NCAPD3: variants seen among roughly 807,000 people sequenced by gnomAD.
NCAPD3 encodes the protein condensin-2 complex subunit D3.
In NCAPD3, 105 loss-of-function variants were observed where a neutral mutation model predicts 182.9. The observed-to-expected ratio is 0.57, with a 90% CI of 0.49 to 0.68. The LOEUF (loss-of-function observed/expected upper bound fraction) is 0.68. Ranked by LOEUF, NCAPD3 falls within the 30% of genes least tolerant of loss-of-function variation. NCAPD3 has a pLI of 0.00. For synonymous variants in NCAPD3, 815 were observed against 679.9 expected (o/e 1.20, Z -3.09); for missense variants, 1,944 against 1,837.0 (o/e 1.06, Z -1.07).
chr11:134,183,955 C>T (rs924645497), intron 19 of NCAPD3, among the ~76,000 whole-genome samples: 5 of 152,058 alleles, frequency 3.3e-5, no homozygotes, highest in Non-Finnish European at 5.9e-5. Flanking sequence ...TATTAATAAC[C>T]CCAGCTCTAC....
Position 134,169,030 on chromosome 11 carries a change from G to C in NCAPD3, c.3126C>G (p.His1042Gln). 2 of 1,613,936 alleles carry C rather than the reference G, an allele frequency of 1.2e-6. No individual in the cohort carries two copies. Among genetic ancestry groups the C allele is most frequent in the South Asian group, 2.2e-5 (2 of 91,014 alleles). ...TGACAGGGTTCCTCTTCAGTAACAG[G>C]TGAGCCAGGCAAAACTCCCCGAAGC... ...IASFGEFCLA[H>Q]LLLKRNPVMF... The change falls in exon 25 of 35, where the codon CAC becomes CAG. Residue 1042 changes from histidine (H) to glutamine (Q), a missense_variant. Physicochemically the swap from His to Gln is conservative, Grantham distance 24 (BLOSUM62 0). Around this residue, in one of 3 missense-constraint regions of NCAPD3, gnomAD observed 1,803 missense variants for 1,674.6 expected, o/e 1.08. Transcript: ENST00000534548.
intron 4 of NCAPD3, 59 bp downstream of exon 4, chr11:134,210,211 C>T: frequency 6.9e-7 from 1 of 1,459,802 alleles, no homozygotes; most frequent in Non-Finnish European, 9.4e-7. Flanking sequence ...TAAAGTCAAT[C>T]CTTAAATAAA....
Position 134,184,642 on chromosome 11 carries a change from C to G in NCAPD3, c.2446G>C (p.Glu816Gln), listed in dbSNP as rs778624593. The G allele has an allele frequency of 2.5e-6, 4 of 1,608,084 alleles. No individual in the cohort carries two copies. Among genetic ancestry groups the G allele is most frequent in the Non-Finnish European group, 2.5e-6 (3 of 1,177,272 alleles). Residue 816 changes from glutamate to glutamine, a missense_variant, in exon 19 of 35, where the codon GAG becomes CAG. Transcript: ENST00000534548. ...CAGGGAAAGTCTGGCCATACCTGCT[C>G]CTCTGCTGGTGTCTCTGCAGATGCT... The part of the protein sequence containing the change: ...CRASAETPAE[E>Q]QELLTQVCGD...
At chr11:134,190,728 C>G (rs1944506935) in intron 16 of NCAPD3, among the ~76,000 whole-genome samples, 1 of 152,236 alleles carries the variant, frequency 6.6e-6, no homozygotes. Context: ...TCTCCTGCCT[C>G]AGCCTCCCAG....
intron 13 of NCAPD3, among the ~76,000 whole-genome samples, chr11:134,200,759 A>G (rs1944730600): frequency 6.6e-6 from 1 of 152,228 alleles, no homozygotes; most frequent in Admixed American, 6.5e-5. Flanking sequence ...ACACATCTAT[A>G]CAAAAACTCA....
At chr11:134,195,716 A>T (rs1053050252) in intron 13 of NCAPD3, among the ~76,000 whole-genome samples, 7 of 151,376 alleles carry the variant, frequency 4.6e-5, no homozygotes, top group East Asian at 1.9e-4. Context: ...ACCCGATTTT[A>T]AAAAAAAAGA....
chr11:134,181,920 C>T (rs893525374), intron 19 of NCAPD3, among the ~76,000 whole-genome samples: 13 of 152,200 alleles, frequency 8.5e-5, no homozygotes, highest in Admixed American at 7.2e-4. Flanking sequence ...CTCTGTAGTG[C>T]CTTAGGAAGG....
chr11:134,202,797 G>A lies in NCAPD3; in HGVS notation c.1615+19C>T, dbSNP rs749178592. 5.8e-6 allele frequency: 9 copies of A among 1,543,886 alleles called. No homozygotes were observed. The highest frequency in any genetic ancestry group is 8.0e-6 in the Non-Finnish European group (9 of 1,129,256). On this transcript the variant is annotated intron_variant, in intron 13 of 34. Transcript: ENST00000534548. ...ATCCAGCAGTATTACCTATCTGACA[G>A]TGATAAAATCTGACATACCTCCAGA... is the stretch of plus-strand genomic sequence containing the variant.
At position 134,202,888 on chromosome 11, in the gene NCAPD3, G is replaced by C; in HGVS notation, c.1543C>G (p.Gln515Glu). The C allele has an allele frequency of 6.2e-7, 1 of 1,601,260 alleles. No individual in the cohort carries two copies. Among genetic ancestry groups the C allele is most frequent in the Non-Finnish European group, 8.5e-7 (1 of 1,176,840 alleles). ...RNSSAFSYQRQTSNRSEPSGE... is the reference protein window; with the variant it reads ...RNSSAFSYQRETSNRSEPSGE... The stretch of plus-strand genomic sequence containing the variant: ...GAGGGTTCGGAACGGTTAGATGTCT[G>C]CCTTTGGTAGGAAAAAGCTTTAAAA... The change falls in exon 13 of 35, where the codon CAG becomes GAG. Residue 515 changes from glutamine to glutamate, a missense_variant. By Grantham distance (29) the Gln-to-Glu change is conservative (BLOSUM62 2). Transcript: ENST00000534548.
At chr11:134,183,432 A>C (rs1944338282) in intron 19 of NCAPD3, among the ~76,000 whole-genome samples, 1 of 152,014 alleles carries the variant, frequency 6.6e-6, no homozygotes, top group Non-Finnish European at 1.5e-5. Flanking sequence ...GCTGGGCCTG[A>C]TAGCATGTGC....
chr11:134,152,928 T>G lies in NCAPD3; in HGVS notation c.*16A>C, dbSNP rs752195176. ...CAAGGGCTCCTGCCTGCCTGGACAC[T>G]GGTGGGAGGCGCTGTTTAGTTGGCT... is the stretch of plus-strand genomic sequence containing the variant. On this transcript the variant is annotated 3_prime_UTR_variant, in exon 35 of 35. Coordinates refer to ENST00000534548, the MANE Select transcript of NCAPD3 (RefSeq NM_015261.3). 1.3e-6 allele frequency: 2 copies of G among 1,520,638 alleles called. No individual in the cohort carries two copies. The highest frequency in any genetic ancestry group is 1.8e-6 in the Non-Finnish European group (2 of 1,133,308). 94.2% of individuals were successfully genotyped at this position (1,520,638 alleles called of 1,614,324 possible).
At chr11:134,167,967 A>C in intron 27 of NCAPD3, 29 bp downstream of exon 27, 1 of 1,604,878 alleles carries the variant, frequency 6.2e-7, no homozygotes, top group South Asian at 1.1e-5. Flanking sequence ...ACTTGTGAGA[A>C]GATGATCTTA....
At chr11:134,199,523 A>G (rs544706318) in intron 13 of NCAPD3, among the ~76,000 whole-genome samples, 2 of 152,306 alleles carry the variant, frequency 1.3e-5, no homozygotes, top group South Asian at 4.1e-4. Context: ...AATTCTGCTC[A>G]CTTCCTAGCT....
At chr11:134,225,150 G>C (rs150789700), upstream of NCAPD3, 50 of 1,612,838 alleles carry the variant, frequency 3.1e-5, no homozygotes, top group East Asian at 6.2e-4. Flanking sequence ...CGGGCAGAGC[G>C]TGGAGGTGGA....
intron 1 of NCAPD3, among the ~76,000 whole-genome samples, chr11:134,221,811 T>C (rs1352968197): frequency 6.6e-6 from 1 of 152,226 alleles, no homozygotes; most frequent in African/African-American, 2.4e-5. Flanking sequence ...GAATACAATC[T>C]GGTCATCATC....
At chr11:134,215,891 G>A (rs1286235406) in intron 3 of NCAPD3, among the ~76,000 whole-genome samples, 1 of 152,176 alleles carries the variant, frequency 6.6e-6, no homozygotes, top group African/African-American at 2.4e-5. Context: ...AGTATCGACA[G>A]CATCCCAATC....
Position 134,168,949 on chromosome 11 carries a change from A to G in NCAPD3, c.3207T>C (p.His1069=), listed in dbSNP as rs370376022. The change falls in exon 25 of 35, where the codon CAT becomes CAC. Residue 1069 remains histidine, a synonymous_variant. Transcript: ENST00000534548. Reference sequence around the variant, plus strand: ...ACTGGGGGAACTTGTTGTACTTCTCATGCTTCTCATAGTTATTAAAGTGAA... The same window carrying G: ...ACTGGGGGAACTTGTTGTACTTCTCGTGCTTCTCATAGTTATTAAAGTGAA... The part of the protein sequence containing the change: ...CIFHFNNYEK[H]EKYNKFPQSE... 74 of 1,613,770 alleles carry G rather than the reference A, an allele frequency of 4.6e-5. No individual in the cohort carries two copies. The highest frequency in any genetic ancestry group is 5.8e-5 in the Non-Finnish European group (69 of 1,179,860).
chr11:134,164,230 G>C (rs1329323546), intron 27 of NCAPD3, among the ~76,000 whole-genome samples: 1 of 152,192 alleles, frequency 6.6e-6, no homozygotes, highest in Non-Finnish European at 1.5e-5. Flanking sequence ...GCCAACAAAA[G>C]CCTCAGCCTG....
intron 27 of NCAPD3, among the ~76,000 whole-genome samples, chr11:134,162,188 C>T (rs188696193): frequency 6.6e-6 from 1 of 152,306 alleles, no homozygotes; most frequent in Non-Finnish European, 1.5e-5. Flanking sequence ...AGCCCCAAAT[C>T]TCCACAGAAG....
Sources: allele counts gnomAD v4.1 joint callset (sites outside exome capture counted in the v4.1 genomes callset), GRCh38; gene constraint gnomAD v4.1.1; regional missense constraint gnomAD v4.1.1; transcripts MANE v1.5; gene names NCBI Gene and HGNC (gene_info 2026-07-23, HGNC 2026-07-21).